Variants in NCAN observed in about 807,000 individuals in gnomAD.
NCAN encodes neurocan core protein.
In NCAN, 47 loss-of-function variants were observed where a neutral mutation model predicts 121.8. That is an observed-to-expected ratio of 0.39 (90% CI 0.31 to 0.49). The LOEUF is 0.49. NCAN is among the 20% of genes least tolerant of loss of function. The pLI, the probability that NCAN is intolerant of heterozygous loss-of-function variation, is 0.92. For missense variants in NCAN, 1,517 were observed against 1,773.4 expected, an observed-to-expected ratio of 0.86 and a Z score of 2.60; for synonymous variants, 633 against 702.0, an observed-to-expected ratio of 0.90 and a Z score of 1.55.
chr19:19,248,365 A>G (rs1346614485), intron 13 of NCAN, among the ~76,000 whole-genome samples: 3 of 151,992 alleles, frequency 2.0e-5, no homozygotes, highest in Non-Finnish European at 4.4e-5. Flanking sequence ...GAATCACTTG[A>G]GTCTGGGAGG....
At chr19:19,239,736 C>T (rs996921071) in intron 11 of NCAN, among the ~76,000 whole-genome samples, 4 of 131,114 alleles carry the variant, frequency 3.1e-5, no homozygotes, top group African/African-American at 1.2e-4. Context: ...CTCCCCAGGC[C>T]TCCTCCCTTC....
chr19:19,229,240 C>T (rs930927646), intron 8 of NCAN, among the ~76,000 whole-genome samples: 3 of 151,922 alleles, frequency 2.0e-5, no homozygotes, highest in Non-Finnish European at 4.4e-5. Context: ...GTGGGAGTGG[C>T]GAGGCATTGA....
intron 6 of NCAN, 119 bp from the exon 7 acceptor site, chr19:19,226,367 G>A: frequency 2.5e-6 from 2 of 813,204 alleles, no homozygotes; most frequent in Non-Finnish European, 3.8e-6. Flanking sequence ...AACTACTTAG[G>A]AGAGACAGAG....
At chr19:19,241,045 T>A (rs1389525358) in intron 12 of NCAN, among the ~76,000 whole-genome samples, 11 of 150,950 alleles carry the variant, frequency 7.3e-5, no homozygotes, top group Non-Finnish European at 7.4e-5. Flanking sequence ...GAGGCCAAGG[T>A]GGGCACTTGA....
intron 3 of NCAN, among the ~76,000 whole-genome samples, chr19:19,222,922 C>G (rs1442478372): frequency 1.3e-5 from 2 of 149,932 alleles, no homozygotes; most frequent in Non-Finnish European, 3.0e-5. Context: ...TCCTGGCTAA[C>G]ATGGTGAAAC....
intron 13 of NCAN, among the ~76,000 whole-genome samples, chr19:19,247,416 G>A (rs2060928439): frequency 6.6e-6 from 1 of 152,088 alleles, no homozygotes. Flanking sequence ...GCCACACCCA[G>A]CTAATTTTTT....
chr19:19,225,193 T>G lies in NCAN; in HGVS notation c.995T>G (p.Val332Gly), dbSNP rs1428781532. The change falls in exon 6 of 15, where the codon GTG (valine) becomes GGG (glycine). Residue 332 changes from valine to glycine, a missense_variant. By Grantham distance (109) the Val-to-Gly change is moderately radical. Coordinates refer to ENST00000252575, the MANE Select transcript of NCAN (RefSeq NM_004386.3). The surrounding 1 kb of genome is among the most constrained non-coding windows in gnomAD (Gnocchi z 4.0). Reference sequence around the variant, plus strand: ...CGCTGCGGGGGCCCAGCCCCGGGCGTGCGCACCGTCTACCGCTTCGCTAAC... The same window carrying G: ...CGCTGCGGGGGCCCAGCCCCGGGCGGGCGCACCGTCTACCGCTTCGCTAAC... ...RRRCGGPAPG[V>G]RTVYRFANRT... 6.4e-7 allele frequency: 1 copy of G among 1,559,092 alleles called. No individual in the cohort carries two copies. The highest frequency in any genetic ancestry group is 8.6e-7 in the Non-Finnish European group (1 of 1,163,714).
At chr19:19,232,944 T>C (rs2060866150) in intron 8 of NCAN, 1 of 126,222 alleles carries the variant, frequency 7.9e-6, no homozygotes, top group African/African-American at 3.4e-5. Context: ...CATTTCATTC[T>C]TTTTTTTTTT....
intron 11 of NCAN, chr19:19,238,733 C>G (rs2060891055): frequency 1.2e-5 from 5 of 411,600 alleles, no homozygotes; most frequent in South Asian, 1.1e-4. Context: ...GTGACCATTT[C>G]TTGGGGAGGA....
In NCAN at chr19:19,228,370, C is replaced by T. The variant is rs373226707; in HGVS notation, c.2750C>T (p.Pro917Leu). Residue 917 changes from proline (P) to leucine (L), a missense_variant, in exon 8 of 15, where the codon CCG becomes CTG. Physicochemically the swap from Pro to Leu is moderately conservative, Grantham distance 98. Coordinates refer to ENST00000252575, the MANE Select transcript of NCAN (RefSeq NM_004386.3). ...GGAACATCAGGAGCTTCAGTGCCTC[C>T]GCATCAGAGCAGTCCCCTAGGGAAA... ...TQGTSGASVP[P>L]HQSSPLGKPA... 4.2e-5 allele frequency: 67 copies of T among 1,613,728 alleles called. No individual in the cohort carries two copies. The highest frequency in any genetic ancestry group is 1.5e-4 in the Admixed American group (9 of 59,990).
At chr19:19,249,082 T>G in intron 14 of NCAN, 200 bp downstream of exon 14, 1 of 568,930 alleles carries the variant, frequency 1.8e-6, no homozygotes, top group Non-Finnish European at 3.0e-6. Flanking sequence ...TGTGTGTGTA[T>G]GTGTATGAGA....
intron 2 of NCAN, 125 bp from the exon 3 acceptor site, chr19:19,218,790 T>C: frequency 1.0e-6 from 1 of 986,612 alleles, no homozygotes; most frequent in Non-Finnish European, 1.4e-6. Context: ...GATTCTGAGG[T>C]CAAGTGGCCC....
rs1462725498 is a variant in NCAN at position 19,225,028 on chromosome 19, G to A, written c.830G>A (p.Arg277His). ...PARRLTLAGA[R>H]AQCRRQGAAL... ...CGCCGCCTGACACTGGCCGGCGCGCGTGCACAGTGCCGCCGCCAGGGTGCC... is the reference window on the plus strand; with the variant it reads ...CGCCGCCTGACACTGGCCGGCGCGCATGCACAGTGCCGCCGCCAGGGTGCC... Residue 277 changes from arginine (R) to histidine (H), a missense_variant, in exon 6 of 15, where the codon CGT (arginine) becomes CAT (histidine). Physicochemically the swap from Arg to His is conservative, Grantham distance 29. Transcript: ENST00000252575. This position sits in a 1 kb window ranked among gnomAD's most constrained non-coding sequence, Gnocchi z 4.0. The A allele has an allele frequency of 6.7e-6, 10 of 1,492,804 alleles. No homozygotes were observed. The East Asian group carries it at 2.6e-4, about 40-fold the overall frequency. The allele number at this position is 1,492,804 out of a possible 1,614,324, so 92.5% of individuals were successfully genotyped here. A position where few individuals can be genotyped will look rare whatever the true frequency, so the allele number is the denominator to read the frequency against.
intron 12 of NCAN, 117 bp from the exon 13 acceptor site, chr19:19,245,196 A>G: frequency 7.8e-7 from 1 of 1,282,926 alleles, no homozygotes; most frequent in East Asian, 2.5e-5. Context: ...AGAGATGGGA[A>G]CACTGAATCC....
In NCAN at chr19:19,238,398, C is replaced by G; in HGVS notation, c.3396C>G (p.His1132Gln). ...CCAGCGTCCACTCACCGGAGGAACA[C>G]AGCTTCATTAATAGTAGGGGCTCTG... is the stretch of plus-strand genomic sequence containing the variant. ...HLTSVHSPEE[H>Q]SFINSFGHEN... is the part of the protein sequence containing the mutation. The change falls in exon 11 of 15, where the codon CAC (histidine) becomes CAG (glutamine). Residue 1132 changes from histidine (H) to glutamine (Q), a missense_variant. His to Gln is a conservative substitution (Grantham distance 24). Transcript: ENST00000252575. 6.2e-7 allele frequency: 1 copy of G among 1,614,182 alleles called. No individual in the cohort carries two copies. Among genetic ancestry groups the G allele is most frequent in the South Asian group, 1.1e-5 (1 of 91,090 alleles).
In NCAN at chr19:19,252,095, A is replaced by T. The variant is rs1480444810; in HGVS notation, c.*2184A>T. ...CGTGTGCCATGTGCGTGGCACGCAT[A>T]TGAGTGTGTGTGCGTGTGAACGGCT... On this transcript the variant is annotated 3_prime_UTR_variant, in exon 15 of 15. Coordinates refer to ENST00000252575, the MANE Select transcript of NCAN (RefSeq NM_004386.3). The T allele has an allele frequency of 6.5e-6, 1 of 152,834 alleles. No individual in the cohort carries two copies. Among genetic ancestry groups the T allele is most frequent in the African/African-American group, 2.4e-5 (1 of 41,448 alleles). The allele number at this position is 152,834 out of a possible 1,614,324, so 9.5% of individuals were successfully genotyped here.
intron 3 of NCAN, among the ~76,000 whole-genome samples, chr19:19,222,315 T>C (rs746445976): frequency 2.0e-5 from 3 of 152,208 alleles, no homozygotes; most frequent in Non-Finnish European, 4.4e-5. Context: ...AGTCTCACTC[T>C]GTCACCCAGG....
chr19:19,239,046 A>T, intron 11 of NCAN, among the ~76,000 whole-genome samples: 1 of 151,726 alleles, frequency 6.6e-6, no homozygotes, highest in African/African-American at 2.4e-5. Context: ...TTTTTCCTTG[A>T]TGTATCCCAC....
At chr19:19,242,644 G>A (rs932367984) in intron 12 of NCAN, among the ~76,000 whole-genome samples, 62 of 151,824 alleles carry the variant, frequency 4.1e-4, no homozygotes, top group Non-Finnish European at 6.5e-4. Flanking sequence ...AGCCGAGATC[G>A]CGTCACTGCA....
Sources: gnomAD v4.1 joint callset for allele counts (sites outside exome capture counted in the v4.1 genomes callset) on GRCh38, gnomAD v4.1.1 for gene constraint, Gnocchi (gnomAD v3.1) non-coding constraint, MANE v1.5 for transcripts, NCBI Gene and HGNC (gene_info 2026-07-23, HGNC 2026-07-21) for gene names.